RPS6KC1: variants seen among roughly 807,000 people sequenced by gnomAD.
The protein encoded by RPS6KC1 is ribosomal protein S6 kinase C1.
In RPS6KC1, 54 loss-of-function variants were observed where a neutral mutation model predicts 103.8. The observed-to-expected ratio is 0.52, with a 90% confidence interval of 0.42 to 0.65. The LOEUF (loss-of-function observed/expected upper bound fraction) is 0.65. Among genes scored for constraint, RPS6KC1 ranks in the 30% least tolerant of loss-of-function variants. The pLI, the probability that RPS6KC1 is intolerant of heterozygous loss-of-function variation, is 0.00. For missense variants in RPS6KC1, 1,151 were observed against 1,253.8 expected, an observed-to-expected ratio of 0.92 and a Z score of 1.24; for synonymous variants, 439 against 438.7, an observed-to-expected ratio of 1.00 and a Z score of -0.01.
At chr1:213,061,189 C>G (rs2077806661) in intron 1 of RPS6KC1, among the ~76,000 whole-genome samples, 1 of 152,184 alleles carries the variant, frequency 6.6e-6, no homozygotes. Context: ...AGAGTTTCAA[C>G]ATGAAATTCA....
chr1:213,613,896 C>G, the RPS6KC1 span, among the ~76,000 whole-genome samples: 1 of 152,214 alleles, frequency 6.6e-6, no homozygotes, highest in Admixed American at 6.5e-5. Context: ...GCTCCATAAG[C>G]CTTCACCAGA....
chr1:213,055,514 C>G (rs536452344), intron 1 of RPS6KC1, among the ~76,000 whole-genome samples: 14 of 152,146 alleles, frequency 9.2e-5, no homozygotes, highest in Non-Finnish European at 2.1e-4. Context: ...ATTATGAATA[C>G]AGCTATTATG....
the RPS6KC1 span, among the ~76,000 whole-genome samples, chr1:213,824,971 G>A: frequency 6.6e-6 from 1 of 152,196 alleles, no homozygotes; most frequent in Non-Finnish European, 1.5e-5. Flanking sequence ...AAGGCACAAG[G>A]GCATTGCTCC....
the RPS6KC1 span, among the ~76,000 whole-genome samples, chr1:213,723,208 C>T: frequency 6.6e-6 from 1 of 152,072 alleles, no homozygotes; most frequent in Non-Finnish European, 1.5e-5. Context: ...TTCTCTGTTT[C>T]CAGAGGTGGA....
chr1:213,592,180 T>G, the RPS6KC1 span, among the ~76,000 whole-genome samples: 2 of 152,264 alleles, frequency 1.3e-5, no homozygotes, highest in Non-Finnish European at 2.9e-5. Context: ...CCCTAATGGC[T>G]TTGAGTTACT....
chr1:213,478,378 G>A, the RPS6KC1 span, among the ~76,000 whole-genome samples: 1 of 152,054 alleles, frequency 6.6e-6, no homozygotes, highest in African/African-American at 2.4e-5. Flanking sequence ...AAATATCAAG[G>A]AGTGCACTTG....
the RPS6KC1 span, among the ~76,000 whole-genome samples, chr1:213,754,688 G>T: frequency 6.6e-6 from 1 of 152,110 alleles, no homozygotes; most frequent in African/African-American, 2.4e-5. Flanking sequence ...CTCTACAGTC[G>T]GTGGAACCAT....
At chr1:213,294,970 CAATT>C in the RPS6KC1 span, among the ~76,000 whole-genome samples, 2 of 151,916 alleles carry the variant, frequency 1.3e-5, no homozygotes, top group African/African-American at 4.8e-5. Context: ...AAGAAAGAGA[CAATT>C]AAGGGTATGG....
chr1:213,289,282 T>C, the RPS6KC1 span, among the ~76,000 whole-genome samples: 5 of 135,652 alleles, frequency 3.7e-5, no homozygotes, highest in Admixed American at 3.8e-4. Context: ...AAAAAAGACT[T>C]AAAGATCCCA....
rs749072504 is a variant in RPS6KC1 at position 213,230,478 on chromosome 1, A to C, written c.1045-19A>C. On this transcript the variant is annotated intron_variant, in intron 8 of 14. Coordinates refer to ENST00000366960, the MANE Select transcript of RPS6KC1 (RefSeq NM_012424.6). ...TTCATTGTATTGTTAATAAATTATT[A>C]CTCGTGTCTTTTATGTAGGTTTTAC... 5.6e-5 allele frequency: 86 copies of C among 1,547,870 alleles called. No homozygotes were observed. Among genetic ancestry groups the C allele is most frequent in the Non-Finnish European group, 7.5e-5 (85 of 1,126,148 alleles).
At chr1:213,478,636 G>A in the RPS6KC1 span, among the ~76,000 whole-genome samples, 1 of 152,042 alleles carries the variant, frequency 6.6e-6, no homozygotes, top group Admixed American at 6.5e-5. Flanking sequence ...CTGTTCATAT[G>A]CTTATTTACC....
the RPS6KC1 span, among the ~76,000 whole-genome samples, chr1:213,286,320 C>T: frequency 6.6e-6 from 1 of 152,158 alleles, no homozygotes; most frequent in African/African-American, 2.4e-5. Flanking sequence ...ATTAGGGCTT[C>T]TTGGAGCAAT....
the RPS6KC1 span, among the ~76,000 whole-genome samples, chr1:213,357,464 C>T: frequency 0.019 from 2,922 of 152,288 alleles, 46 homozygotes; most frequent in Non-Finnish European, 0.03. Context: ...TGCAGAATCA[C>T]GAAAGATTAG....
chr1:213,058,840 T>C (rs2077571815), intron 1 of RPS6KC1, among the ~76,000 whole-genome samples: 1 of 152,216 alleles, frequency 6.6e-6, no homozygotes, highest in Non-Finnish European at 1.5e-5. Context: ...TAGATCACTT[T>C]AGGGAAAAAT....
chr1:213,819,163 A>G, the RPS6KC1 span: 2 of 152,364 alleles, frequency 1.3e-5, no homozygotes, highest in South Asian at 4.1e-4. Context: ...AAGAGATTAA[A>G]TAACTCACAA....
the RPS6KC1 span, among the ~76,000 whole-genome samples, chr1:213,630,613 C>T: frequency 6.6e-5 from 10 of 152,306 alleles, no homozygotes; most frequent in African/African-American, 1.7e-4. Context: ...TTTGTTCCAT[C>T]GCTGGTGAGG....
the RPS6KC1 span, among the ~76,000 whole-genome samples, chr1:213,722,292 C>A: frequency 5.9e-5 from 9 of 152,270 alleles, no homozygotes; most frequent in African/African-American, 2.2e-4. Context: ...ACATGACAAA[C>A]TCCTCCAGTA....
chr1:213,417,389 G>A, the RPS6KC1 span, among the ~76,000 whole-genome samples: 2 of 152,152 alleles, frequency 1.3e-5, no homozygotes, highest in African/African-American at 2.4e-5. Flanking sequence ...GCAATGCCCC[G>A]GGCACAGCGC....
At chr1:213,170,307 G>A (rs1191662193) in intron 7 of RPS6KC1, among the ~76,000 whole-genome samples, 3 of 152,158 alleles carry the variant, frequency 2.0e-5, no homozygotes, top group African/African-American at 7.2e-5. Flanking sequence ...AAGTATATCA[G>A]TCAGAATTTC....
Sources: gnomAD v4.1 joint callset for allele counts (sites outside exome capture counted in the v4.1 genomes callset) on GRCh38, gnomAD v4.1.1 for gene constraint, MANE v1.5 for transcripts, NCBI Gene and HGNC (gene_info 2026-07-23, HGNC 2026-07-21) for gene names.